The following MEOX2 variants were observed in gnomAD, a reference collection of about 807,000 sequenced individuals.
The protein encoded by MEOX2 is mesenchyme homeobox 2, also known as homeobox protein MOX-2.
A neutral mutation model predicts 27.0 loss-of-function variants in MEOX2; 11 were observed. That is an observed-to-expected ratio of 0.41 (90% CI 0.26 to 0.68). The LOEUF (loss-of-function observed/expected upper bound fraction) is 0.68. Among genes scored for constraint, MEOX2 ranks in the 30% least tolerant of loss-of-function variants. MEOX2 has a pLI of 0.33. For synonymous variants in MEOX2, 189 were observed against 155.4 expected (o/e 1.22, Z -1.61); for missense variants, 436 against 385.4 (o/e 1.13, Z -1.10).
At chr7:15,627,956 T>C (rs528271243) in intron 1 of MEOX2, among the ~76,000 whole-genome samples, 58 of 152,190 alleles carry the variant, frequency 3.8e-4, no homozygotes, top group African/African-American at 1.4e-3. Flanking sequence ...TATCTAATTA[T>C]TTTTGCACAT....
At chr7:15,640,447 C>T (rs13438001) in intron 1 of MEOX2, among the ~76,000 whole-genome samples, 31,354 of 151,896 alleles carry the variant, frequency 0.21, 4,824 homozygotes, top group African/African-American at 0.44. Flanking sequence ...TAGAGTTTTC[C>T]AGATATAAGA....
chr7:15,662,003 T>C (rs1224184244), intron 1 of MEOX2, among the ~76,000 whole-genome samples: 1 of 151,964 alleles, frequency 6.6e-6, no homozygotes, highest in Non-Finnish European at 1.5e-5. Context: ...AAGTTAACAA[T>C]TTCATTTTCA....
At chr7:15,623,282 C>T (rs1781248138) in intron 2 of MEOX2, among the ~76,000 whole-genome samples, 1 of 152,172 alleles carries the variant, frequency 6.6e-6, no homozygotes, top group South Asian at 2.1e-4. Flanking sequence ...TGACAACTGA[C>T]ATCATAGTAT....
At position 15,612,041 on chromosome 7, in the gene MEOX2, C is replaced by T. The variant is rs1781041145; in HGVS notation, c.*346G>A. ...CAAGTTCATCCTCGGCATCTTCACT[C>T]TGGAGACATCTTGAATAAAAAACCG... is the stretch of plus-strand genomic sequence containing the variant. On this transcript the variant is annotated 3_prime_UTR_variant, in exon 3 of 3. Coordinates refer to ENST00000262041, the MANE Select transcript of MEOX2 (RefSeq NM_005924.5). 1 of 282,198 alleles carries T rather than the reference C, an allele frequency of 3.5e-6. No individual in the cohort carries two copies. The highest frequency in any genetic ancestry group is 7.6e-5 in the East Asian group (1 of 13,202). 17.5% of individuals were successfully genotyped at this position (282,198 alleles called of 1,614,324 possible). A position where few individuals can be genotyped will look rare whatever the true frequency, so the allele number is the denominator to read the frequency against.
intron 1 of MEOX2, among the ~76,000 whole-genome samples, chr7:15,645,488 G>A (rs912826458): frequency 1.3e-5 from 2 of 151,894 alleles, no homozygotes; most frequent in African/African-American, 4.8e-5. Context: ...CACCAAATTC[G>A]CCATGACTGC....
In MEOX2 at chr7:15,640,644, A is replaced by G. The variant is rs561920057; in HGVS notation, c.518-13726T>C. 1.7e-4 allele frequency among the ~76,000 whole-genome samples: 26 copies of G among 152,210 alleles called. No individual in the cohort carries two copies. The South Asian group carries it at 3.7e-3, about 22-fold the overall frequency. ...TGTTTTCAAATTTTCCCCATTCCGTATGATGTTAGTTGTGGGTTTGTCATA... is the reference window on the plus strand; with the variant it reads ...TGTTTTCAAATTTTCCCCATTCCGTGTGATGTTAGTTGTGGGTTTGTCATA... On this transcript the variant is annotated intron_variant, in intron 1 of 2. Transcript: ENST00000262041.
chr7:15,676,874 T>C (rs1173681274), intron 1 of MEOX2, among the ~76,000 whole-genome samples: 1 of 145,810 alleles, frequency 6.9e-6, no homozygotes, highest in East Asian at 2.0e-4. Context: ...AAAAAAAGAG[T>C]CCTCATTTTA....
intron 1 of MEOX2, among the ~76,000 whole-genome samples, chr7:15,643,655 G>A (rs1456720460): frequency 1.3e-5 from 2 of 152,188 alleles, no homozygotes; most frequent in Non-Finnish European, 2.9e-5. Context: ...GACTCCCAGA[G>A]GGAAAAACTG....
chr7:15,631,575 A>T (rs949238115), intron 1 of MEOX2, among the ~76,000 whole-genome samples: 14 of 151,876 alleles, frequency 9.2e-5, no homozygotes, highest in Non-Finnish European at 2.1e-4. Flanking sequence ...TTAAGTTTAT[A>T]GACTTGACTT....
chr7:15,682,824 T>G lies in MEOX2; in HGVS notation c.517+3062A>C, dbSNP rs73679880. ...TCAGCAGTTGTAAAGTTTTGATTTTTAAGAGTCCCTTTGAAGACGTGGCAG... is the reference window on the plus strand; with the variant it reads ...TCAGCAGTTGTAAAGTTTTGATTTTGAAGAGTCCCTTTGAAGACGTGGCAG... On this transcript the variant is annotated intron_variant, in intron 1 of 2. Transcript: ENST00000262041. Among the ~76,000 whole-genome samples the G allele has an allele frequency of 9.1e-3, 1,381 of 152,062 alleles. 24 individuals carry two copies. Among genetic ancestry groups the G allele is most frequent in the African/African-American group, 0.031 (1,297 of 41,552 alleles).
chr7:15,630,493 A>G (rs567168653), intron 1 of MEOX2, among the ~76,000 whole-genome samples: 1 of 152,220 alleles, frequency 6.6e-6, no homozygotes, highest in African/African-American at 2.4e-5. Flanking sequence ...TAAACGTATT[A>G]GCTCGTTTAA....
Position 15,685,910 on chromosome 7 carries a change from C to A in MEOX2, c.493G>T (p.Gly165Cys), listed in dbSNP as rs373439702. The A allele has an allele frequency of 2.7e-5, 43 of 1,606,216 alleles. No individual in the cohort carries two copies. The African/African-American group carries it at 5.5e-4, about 20-fold the overall frequency. ...CCTGAGCTGTCGCTTTTCCTCTTGC[C>A]GCCGCTTCGCTTCTCCGCCTCCGCA... ...SPAEAEKRSG[G>C]KRKSDSSDSQ... is the part of the protein sequence containing the mutation. The change falls in exon 1 of 3, where the codon GGC (glycine) becomes TGC (cysteine). Residue 165 changes from glycine to cysteine, a missense_variant. Physicochemically the swap from Gly to Cys is radical, Grantham distance 159. Coordinates refer to ENST00000262041, the MANE Select transcript of MEOX2 (RefSeq NM_005924.5).
At chr7:15,623,676 T>C (rs895153307) in intron 2 of MEOX2, among the ~76,000 whole-genome samples, 1 of 152,114 alleles carries the variant, frequency 6.6e-6, no homozygotes, top group Admixed American at 6.6e-5. Flanking sequence ...CCCAGCTTGA[T>C]TGTTAATTTA....
chr7:15,631,244 T>A lies in MEOX2; in HGVS notation c.518-4326A>T, dbSNP rs1481963253. Among the ~76,000 whole-genome samples, 4 of 150,464 alleles carry A rather than the reference T, an allele frequency of 2.7e-5. No individual in the cohort carries two copies. In the Admixed American group the frequency reaches 2.7e-4, roughly 10 times the overall value. Reference sequence around the variant, plus strand: ...TTCTTCAAAATGCAAAAAAAAAAAATCATTGTACCTGCTGAGCAGTGATTA... The same window carrying A: ...TTCTTCAAAATGCAAAAAAAAAAAAACATTGTACCTGCTGAGCAGTGATTA... On this transcript the variant is annotated intron_variant, in intron 1 of 2. Transcript: ENST00000262041.
At chr7:15,676,401 T>C (rs1193030290) in intron 1 of MEOX2, among the ~76,000 whole-genome samples, 1 of 152,126 alleles carries the variant, frequency 6.6e-6, no homozygotes, top group East Asian at 1.9e-4. Context: ...AGAGCAACAA[T>C]AAGAAAATTC....
chr7:15,668,574 T>A (rs1032272192), intron 1 of MEOX2, among the ~76,000 whole-genome samples: 1 of 152,010 alleles, frequency 6.6e-6, no homozygotes, highest in Admixed American at 6.6e-5. Flanking sequence ...ATCCGCCTCC[T>A]GGGTTCAAGC....
At chr7:15,648,923 C>T (rs568743553) in intron 1 of MEOX2, among the ~76,000 whole-genome samples, 26 of 152,082 alleles carry the variant, frequency 1.7e-4, no homozygotes, top group African/African-American at 6.0e-4. Flanking sequence ...AGCAGAAATG[C>T]CTCACTCCAT....
intron 1 of MEOX2, among the ~76,000 whole-genome samples, chr7:15,675,037 A>G (rs1000396378): frequency 2.0e-5 from 3 of 152,182 alleles, no homozygotes; most frequent in African/African-American, 7.2e-5. Context: ...ACACAAAAAA[A>G]GGCAAATACA....
At chr7:15,660,155 A>G (rs995172662) in intron 1 of MEOX2, among the ~76,000 whole-genome samples, 4 of 152,208 alleles carry the variant, frequency 2.6e-5, no homozygotes, top group African/African-American at 9.7e-5. Context: ...AGATGCAAAA[A>G]TAAGGGTATT....
Sources: gnomAD v4.1 joint callset for allele counts (sites outside exome capture counted in the v4.1 genomes callset) on GRCh38, gnomAD v4.1.1 for gene constraint, MANE v1.5 for transcripts, NCBI Gene and HGNC (gene_info 2026-07-23, HGNC 2026-07-21) for gene names.